LMO1: variants seen among roughly 807,000 people sequenced by gnomAD.
LMO1 encodes rhombotin-1.
Under a neutral mutation model 18.0 loss-of-function variants are expected in LMO1, and 10 were observed. The ratio of observed to expected loss-of-function variants is 0.55; its 90% CI spans 0.34 to 0.94. The LOEUF (loss-of-function observed/expected upper bound fraction) is 0.94. Ranked by LOEUF, LMO1 falls within the 40% of genes least tolerant of loss-of-function variation. The pLI, the probability that LMO1 is intolerant of heterozygous loss-of-function variation, is 0.02. For missense variants in LMO1, 183 were observed against 205.7 expected, an observed-to-expected ratio of 0.89 and a Z score of 0.68; for synonymous variants, 77 against 77.9, an observed-to-expected ratio of 0.99 and a Z score of 0.06.
intron 1 of LMO1, among the ~76,000 whole-genome samples, chr11:8,262,956 G>A (rs1205985020): frequency 3.3e-5 from 5 of 152,226 alleles, no homozygotes; most frequent in African/African-American, 4.8e-5. Flanking sequence ...GGTGATGGCT[G>A]CGGTGAGAGC....
At chr11:8,268,671 GC>G, upstream of LMO1, 1 of 298,804 alleles carries the variant, frequency 3.3e-6, no homozygotes, top group Non-Finnish European at 6.1e-6. Flanking sequence ...GGGCGAGACG[GC>G]CAGGCCGGGA....
intron 1 of LMO1, among the ~76,000 whole-genome samples, chr11:8,234,055 G>A (rs1396524854): frequency 6.6e-6 from 1 of 152,172 alleles, no homozygotes; most frequent in African/African-American, 2.4e-5. Context: ...TGCATGCGCT[G>A]GGCCCAGCAG....
rs1426947084 is a variant in LMO1, at chr11:8,263,676, T to C, written c.-314A>G. 6.3e-6 allele frequency: 8 copies of C among 1,278,934 alleles called. No individual in the cohort carries two copies. The East Asian group carries it at 1.7e-4, about 28-fold the overall frequency. 79.2% of individuals were successfully genotyped at this position (1,278,934 alleles called of 1,614,324 possible). A position where few individuals can be genotyped will look rare whatever the true frequency, so the allele number is the denominator to read the frequency against. On this transcript the variant is annotated 5_prime_UTR_variant, in exon 1 of 4. Transcript: ENST00000335790. Reference sequence around the variant, plus strand: ...AGCCGTTTCTTTGATTCTCACCTTCTAAATGGCTCAATTTGCCCAGTATAA... The same window carrying C: ...AGCCGTTTCTTTGATTCTCACCTTCCAAATGGCTCAATTTGCCCAGTATAA...
At chr11:8,241,951 G>A (rs1490750575) in intron 1 of LMO1, among the ~76,000 whole-genome samples, 9 of 152,202 alleles carry the variant, frequency 5.9e-5, no homozygotes, top group Admixed American at 3.9e-4. Flanking sequence ...ATTCATGCAT[G>A]AAGAGACTGA....
At chr11:8,243,190 G>A (rs866704303) in intron 1 of LMO1, among the ~76,000 whole-genome samples, 1 of 152,122 alleles carries the variant, frequency 6.6e-6, no homozygotes, top group East Asian at 1.9e-4. Flanking sequence ...GCTTCCTATT[G>A]AGGCCCTGGG....
intron 1 of LMO1, among the ~76,000 whole-genome samples, chr11:8,251,958 GTT>G: frequency 6.8e-6 from 1 of 148,042 alleles, no homozygotes; most frequent in South Asian, 2.2e-4. Context: ...GGGAGTGTGT[GTT>G]TGTGTGTGGG....
At chr11:8,243,852 G>GC (rs1456495847) in intron 1 of LMO1, among the ~76,000 whole-genome samples, 1 of 152,326 alleles carries the variant, frequency 6.6e-6, no homozygotes, top group South Asian at 2.1e-4. Flanking sequence ...TTCGGCTGCA[G>GC]CCCCCCACTC....
intron 1 of LMO1, among the ~76,000 whole-genome samples, chr11:8,263,008 C>A (rs1565189942): frequency 6.6e-6 from 1 of 152,126 alleles, no homozygotes; most frequent in Non-Finnish European, 1.5e-5. Context: ...ACCTCCGCGG[C>A]GCGGAGATCG....
At chr11:8,260,646 C>T (rs150962332) in intron 1 of LMO1, among the ~76,000 whole-genome samples, 5 of 152,070 alleles carry the variant, frequency 3.3e-5, no homozygotes, top group East Asian at 3.9e-4. Context: ...TACGGCAAAA[C>T]GATTGATATT....
intron 1 of LMO1, among the ~76,000 whole-genome samples, chr11:8,257,371 T>TTCCAAAGGCCCAGGACAGGTGAGTG (rs1347601147): frequency 1.3e-5 from 2 of 152,182 alleles, no homozygotes; most frequent in African/African-American, 4.8e-5. Context: ...GCTTCTCCAC[T>TTCCAAAGGCCCAGGACAGGTGAGTG]TCCAAAGGCC....
intron 1 of LMO1, among the ~76,000 whole-genome samples, chr11:8,236,967 T>C (rs1050874900): frequency 3.9e-5 from 6 of 152,070 alleles, no homozygotes; most frequent in Non-Finnish European, 8.8e-5. Flanking sequence ...AAGACTACAG[T>C]GTCAAAAAGT....
upstream of LMO1, among the ~76,000 whole-genome samples, chr11:8,267,514 G>A (rs139573114): frequency 1.2e-4 from 18 of 152,268 alleles, no homozygotes; most frequent in Non-Finnish European, 1.9e-4. Context: ...CTCGGCGGAT[G>A]GTCTCTGGGT....
intron 1 of LMO1, among the ~76,000 whole-genome samples, chr11:8,255,504 A>G (rs1847075801): frequency 6.6e-6 from 1 of 152,166 alleles, no homozygotes; most frequent in Non-Finnish European, 1.5e-5. Flanking sequence ...ATGTCTCAAA[A>G]AAGAGAAGGC....
At chr11:8,240,660 C>A (rs576295330) in intron 1 of LMO1, among the ~76,000 whole-genome samples, 1 of 152,096 alleles carries the variant, frequency 6.6e-6, no homozygotes, top group African/African-American at 2.4e-5. Flanking sequence ...CAAGGGAGTT[C>A]TCTGTGGTCC....
intron 1 of LMO1, among the ~76,000 whole-genome samples, chr11:8,241,471 A>C (rs68160872): frequency 6.6e-6 from 1 of 151,980 alleles, no homozygotes; most frequent in Non-Finnish European, 1.5e-5. Flanking sequence ...CAGACTCTTC[A>C]TCCAGCCTGT....
At chr11:8,241,179 C>T (rs987271084) in intron 1 of LMO1, among the ~76,000 whole-genome samples, 1 of 152,214 alleles carries the variant, frequency 6.6e-6, no homozygotes, top group African/African-American at 2.4e-5. Context: ...TCCTCCCTCC[C>T]ACACTATCAT....
At chr11:8,248,464 G>A (rs1179201904) in intron 1 of LMO1, among the ~76,000 whole-genome samples, 1 of 152,226 alleles carries the variant, frequency 6.6e-6, no homozygotes, top group Non-Finnish European at 1.5e-5. Context: ...TGAGTCTACA[G>A]ACAGACCACT....
intron 1 of LMO1, among the ~76,000 whole-genome samples, chr11:8,250,078 C>T (rs573606008): frequency 9.2e-5 from 14 of 151,938 alleles, no homozygotes; most frequent in South Asian, 2.1e-4. Context: ...TTATTTTCAT[C>T]GGGATCAATT....
At chr11:8,228,343 A>T (rs1235234449) in intron 2 of LMO1, among the ~76,000 whole-genome samples, 1 of 152,254 alleles carries the variant, frequency 6.6e-6, no homozygotes, top group African/African-American at 2.4e-5. Flanking sequence ...AAGGAGGCTG[A>T]GAAGAGGGTG....
Sources: allele counts gnomAD v4.1 joint callset (sites outside exome capture counted in the v4.1 genomes callset), GRCh38; gene constraint gnomAD v4.1.1; transcripts MANE v1.5; gene names NCBI Gene and HGNC (gene_info 2026-07-23, HGNC 2026-07-21).